Variants in TNC observed in about 807,000 individuals in gnomAD.
TNC encodes the protein tenascin.
Under a neutral mutation model 202.4 loss-of-function variants are expected in TNC, and 109 were observed. That is an observed-to-expected ratio of 0.54 (90% confidence interval 0.46 to 0.63). TNC has a LOEUF of 0.63. Ranked by LOEUF, TNC falls within the 30% of genes least tolerant of loss-of-function variation. The probability of loss-of-function intolerance (pLI) is 0.00; values close to 1 mark genes in which losing one functional copy is unlikely to be tolerated. For missense variants in TNC, 2,756 were observed against 2,833.3 expected (o/e 0.97, Z 0.62); for synonymous variants, 1,007 against 1,089.7 (o/e 0.92, Z 1.50).
intron 27 of TNC, 98 bp downstream of exon 27, chr9:115,023,875 T>A: frequency 7.2e-7 from 1 of 1,390,748 alleles, no homozygotes; most frequent in Non-Finnish European, 9.9e-7. Context: ...GGTTCCTGCC[T>A]CCTAGTCTCT....
chr9:115,050,318 T>G (rs1463858283), intron 15 of TNC, among the ~76,000 whole-genome samples: 1 of 152,186 alleles, frequency 6.6e-6, no homozygotes, highest in African/African-American at 2.4e-5. Flanking sequence ...GAGACAATGC[T>G]GTAACTGGAT....
chr9:115,046,711 G>A (rs199950557), intron 16 of TNC, 29 bp from the exon 17 acceptor site: 379 of 1,609,594 alleles, frequency 2.4e-4, no homozygotes, highest in Non-Finnish European at 4.2e-5. Context: ...GTGGGAGAAG[G>A]AGGAAAGACA....
intron 19 of TNC, among the ~76,000 whole-genome samples, chr9:115,039,133 A>G (rs1329659016): frequency 6.6e-6 from 1 of 152,104 alleles, no homozygotes; most frequent in Non-Finnish European, 1.5e-5. Context: ...CCTGGCCCCG[A>G]GCCTTTTCTG....
chr9:115,077,954 G>A lies in TNC; in HGVS notation c.2663C>T (p.Thr888Ile), dbSNP rs768247703. ...GGGAGGCCTTTTACCTGTTGTGAAG[G>A]TCTCTTTGGCTGGGTTGCTTGACAT... is the stretch of plus-strand genomic sequence containing the variant. ...GDMSSNPAKETFTTGLDAPRN... is the reference protein window; with the variant it reads ...GDMSSNPAKEIFTTGLDAPRN... Residue 888 changes from threonine (T) to isoleucine (I), a missense_variant, in exon 7 of 28, where the codon ACC becomes ATC. By Grantham distance (89) the Thr-to-Ile change is moderately conservative. Coordinates refer to ENST00000350763, the MANE Select transcript of TNC (RefSeq NM_002160.4). 2 of 1,614,062 alleles carry A rather than the reference G, an allele frequency of 1.2e-6. No homozygotes were observed. The highest frequency in any genetic ancestry group is 1.7e-6 in the Non-Finnish European group (2 of 1,179,946).
intron 10 of TNC, among the ~76,000 whole-genome samples, chr9:115,071,266 T>C (rs539444124): frequency 2.4e-3 from 358 of 152,256 alleles, no homozygotes; most frequent in Non-Finnish European, 4.1e-3. Flanking sequence ...GAGAAAGGGA[T>C]GGGGGAAATA....
At chr9:115,031,453 G>T in intron 23 of TNC, 100 bp downstream of exon 23, 2 of 1,302,008 alleles carry the variant, frequency 1.5e-6, no homozygotes, top group Non-Finnish European at 2.0e-6. Flanking sequence ...CTTTTCAGAG[G>T]TTTGTTTGAA....
intron 12 of TNC, 27 bp downstream of exon 12, chr9:115,063,769 G>A (rs1455969019): frequency 3.8e-6 from 6 of 1,593,378 alleles, no homozygotes; most frequent in Non-Finnish European, 3.4e-6. Context: ...AGGGGAGGAA[G>A]TGAATTAGTG....
At chr9:115,052,612 T>C (rs1190814825) in intron 15 of TNC, 2 of 596,458 alleles carry the variant, frequency 3.4e-6, no homozygotes, top group Non-Finnish European at 6.0e-6. Flanking sequence ...ATACAATTAC[T>C]ATTTGTCAAT....
In TNC at chr9:115,038,667, G is replaced by C. The variant is rs546115083; in HGVS notation, c.5393-287C>G. ...TATTTTGATTTTTCCATTATATTAT[G>C]GGTGGAAAGGAGCTGTGTAAACTGA... On this transcript the variant is annotated intron_variant, in intron 19 of 27. Transcript: ENST00000350763. Among the ~76,000 whole-genome samples the C allele has an allele frequency of 1.8e-4, 27 of 152,286 alleles. No homozygotes were observed. In the East Asian group the frequency reaches 4.0e-3, roughly 23 times the overall value.
Position 115,086,708 on chromosome 9 carries a change from G to T in TNC, c.1023C>A (p.Cys341Ter), listed in dbSNP as rs139641638. The stretch of plus-strand genomic sequence containing the variant: ...AGGCATGTGGGCAGGTGGGTTTCCC[G>T]CAGTCTTCACCTGTGAAGCCTTCTT... ...YCEEGFTGED[C>*]GKPTCPHACH... Residue 341 changes from cysteine to a stop codon, truncating the protein, a stop_gained, in exon 3 of 28, where the codon TGC becomes TGA. Coordinates refer to ENST00000350763, the MANE Select transcript of TNC (RefSeq NM_002160.4). LOFTEE classifies it high-confidence loss of function. 1.9e-6 allele frequency: 3 copies of T among 1,613,884 alleles called. No homozygotes were observed. The highest frequency in any genetic ancestry group is 1.7e-5 in the Admixed American group (1 of 60,010).
chr9:115,036,511 C>T (rs559712483), intron 20 of TNC, among the ~76,000 whole-genome samples: 6 of 152,292 alleles, frequency 3.9e-5, no homozygotes, highest in South Asian at 2.1e-4. Context: ...TTTTTTCCCA[C>T]ATGGTACTGG....
Position 115,073,644 on chromosome 9 carries a change from C to T in TNC, c.3173G>A (p.Gly1058Asp). The change falls in exon 10 of 28, where the codon GGC (glycine) becomes GAC (aspartate). Residue 1058 changes from glycine (G) to aspartate (D), a missense_variant. This residue lies in a region of TNC where 2,559 missense variants were observed against 2,546.0 expected (regional missense o/e 1.01). Coordinates refer to ENST00000350763, the MANE Select transcript of TNC (RefSeq NM_002160.4). The stretch of plus-strand genomic sequence containing the variant: ...ACGTGCGGGCTTGCTCTTGTGTCTG[C>T]CTTTCTCGGCTGTCAGGAGGACATT... ...EYNVLLTAEK[G>D]RHKSKPARVK... 6.2e-7 allele frequency: 1 copy of T among 1,614,138 alleles called. No individual in the cohort carries two copies. Among genetic ancestry groups the T allele is most frequent in the Non-Finnish European group, 8.5e-7 (1 of 1,180,014 alleles).
intron 6 of TNC, among the ~76,000 whole-genome samples, chr9:115,081,332 T>G (rs1418912215): frequency 2.0e-5 from 3 of 152,184 alleles, no homozygotes; most frequent in African/African-American, 7.2e-5. Context: ...ATTTTGAAAC[T>G]CCTTTCATCA....
intron 5 of TNC, 142 bp downstream of exon 5, chr9:115,082,550 A>T: frequency 1.6e-6 from 1 of 612,640 alleles, no homozygotes. Context: ...TAAAATATAG[A>T]TGCAAACACA....
At chr9:115,042,456 C>A in intron 17 of TNC, 115 bp from the exon 18 acceptor site, 8 of 1,417,132 alleles carry the variant, frequency 5.6e-6, no homozygotes, top group Non-Finnish European at 7.6e-6. Flanking sequence ...TGTGTCTGAG[C>A]CAAGCCTTTA....
chr9:115,069,614 CCCTCTCTCCCTCCCTCCCTCCCTCCCTT>C (rs1564466989), intron 10 of TNC, among the ~76,000 whole-genome samples: 14 of 12,834 alleles, frequency 1.1e-3, no homozygotes, highest in African/African-American at 1.8e-3. Flanking sequence ...CTCCCTCCCT[CCCTCTCTCCCTCCCTCCCTCCCTCCCTT>C]CCTCCCTCCC....
rs140573419 is a variant in TNC at position 115,026,654 on chromosome 9, C to T, written c.6211G>A (p.Glu2071Lys). 3.8e-4 allele frequency: 611 copies of T among 1,613,944 alleles called. No individual in the cohort carries two copies. The highest frequency in any genetic ancestry group is 2.1e-3 in the Middle Eastern group (13 of 6,056). The change falls in exon 26 of 28, where the codon GAG (glutamate) becomes AAG (lysine). Residue 2071 changes from glutamate (E) to lysine (K), a missense_variant. Around this residue, in one of 2 missense-constraint regions of TNC, gnomAD observed 197 missense variants for 287.3 expected, o/e 0.69. Transcript: ENST00000350763. ...LNKITAQGQY[E>K]LRVDLRDHGE... Reference sequence around the variant, plus strand: ...TGGTCCCGCAGGTCCACCCGGAGCTCGTACTGCCCCTGGGCTGTGATTTTG... The same window carrying T: ...TGGTCCCGCAGGTCCACCCGGAGCTTGTACTGCCCCTGGGCTGTGATTTTG...
intron 23 of TNC, among the ~76,000 whole-genome samples, chr9:115,031,198 G>C (rs1203405615): frequency 6.6e-6 from 1 of 152,204 alleles, no homozygotes; most frequent in Non-Finnish European, 1.5e-5. Flanking sequence ...TGGGCTAGGA[G>C]TTCAAATGCA....
At chr9:115,107,799 A>T (rs1836729572) in intron 1 of TNC, among the ~76,000 whole-genome samples, 1 of 152,236 alleles carries the variant, frequency 6.6e-6, no homozygotes, top group Non-Finnish European at 1.5e-5. Flanking sequence ...AGAGATCAGC[A>T]TTCAAGTGGA....
Sources: allele counts gnomAD v4.1 joint callset (sites outside exome capture counted in the v4.1 genomes callset), GRCh38; gene constraint gnomAD v4.1.1; regional missense constraint gnomAD v4.1.1; transcripts MANE v1.5; gene names NCBI Gene and HGNC (gene_info 2026-07-23, HGNC 2026-07-21).